Variants in TMPRSS9 observed in about 807,000 individuals in gnomAD.
TMPRSS9 encodes the protein transmembrane serine protease 9, also known as transmembrane protease serine 9.
TMPRSS9 carries 113 observed loss-of-function variants against 111.4 expected under a neutral mutation model. That is an observed-to-expected ratio of 1.01 (90% CI 0.87 to 1.19). The LOEUF (loss-of-function observed/expected upper bound fraction) is 1.19, where lower values mean the gene tolerates loss of function less well. Among genes scored for constraint, TMPRSS9 ranks in the 50% most tolerant of loss-of-function variants. The pLI is 0.00. For missense variants in TMPRSS9, 1,803 were observed against 1,513.1 expected, an observed-to-expected ratio of 1.19 and a Z score of -3.18; for synonymous variants, 805 against 659.1, an observed-to-expected ratio of 1.22 and a Z score of -3.39.
intron 9 of TMPRSS9, 150 bp from the exon 11 acceptor site, chr19:2,413,550 G>A: frequency 1.2e-6 from 1 of 822,532 alleles, no homozygotes; most frequent in East Asian, 2.5e-5. Flanking sequence ...CAGGTTCTGA[G>A]ATGTCAATGA....
chr19:2,374,672 A>T lies in TMPRSS9; in HGVS notation c.-26+14312A>T, dbSNP rs1970316934. Among the ~76,000 whole-genome samples, 4 of 151,974 alleles carry T rather than the reference A, an allele frequency of 2.6e-5. 2 individuals carry two copies. The South Asian group carries it at 8.3e-4, about 32-fold the overall frequency. ...TGCGTTGCTCTGGTTGTCTCTGGGGAGCCCCTAACCAGGCTTGGAAGAGGT... is the reference window on the plus strand; with the variant it reads ...TGCGTTGCTCTGGTTGTCTCTGGGGTGCCCCTAACCAGGCTTGGAAGAGGT... On this transcript the variant is annotated intron_variant, in intron 1 of 17. Transcript: ENST00000649857.
chr19:2,416,524 C>A lies in TMPRSS9; in HGVS notation c.1746-14C>A, dbSNP rs561792390. ...GCTGGAGGGCAGGCATGTCTGAGGG[C>A]CCTGTCTCCATAGCACGAAGGTGGA... is the stretch of plus-strand genomic sequence containing the variant. On this transcript the variant is annotated splice_polypyrimidine_tract_variant and intron_variant, in intron 11 of 17. Coordinates refer to ENST00000648592, the Ensembl canonical transcript of TMPRSS9. 2 of 1,597,124 alleles carry A rather than the reference C, an allele frequency of 1.3e-6. No homozygotes were observed. The highest frequency in any genetic ancestry group is 1.7e-5 in the Admixed American group (1 of 59,656).
At chr19:2,377,930 G>A (rs978818896) in intron 1 of TMPRSS9, among the ~76,000 whole-genome samples, 1 of 150,936 alleles carries the variant, frequency 6.6e-6, no homozygotes, top group Admixed American at 6.6e-5. Flanking sequence ...ACCCAGGCTG[G>A]CACAGTCATA....
At chr19:2,409,018 AATAATAATAATAATG>A (rs1367990257) in intron 8 of TMPRSS9, among the ~76,000 whole-genome samples, 91 of 142,296 alleles carry the variant, frequency 6.4e-4, no homozygotes, top group African/African-American at 1.9e-3. Flanking sequence ...TAATAATAAT[AATAATAATAATAATG>A]ATGATGCAGA....
chr19:2,411,637 C>T (rs1971099087), intron 9 of TMPRSS9, among the ~76,000 whole-genome samples: 2 of 152,168 alleles, frequency 1.3e-5, no homozygotes, highest in South Asian at 4.1e-4. Flanking sequence ...CATCTTGGCT[C>T]ACCTCCCAGT....
rs1474701467 is a variant in TMPRSS9 at position 2,414,939 on chromosome 19, C to CT, written c.1574-730dup. The stretch of plus-strand genomic sequence containing the variant: ...TTTCCAAAAACTGTTAGTTGCATTC[C>CT]TATTTTTTTTTTTTTTTTTTTCTGA... On this transcript the variant is annotated intron_variant, in intron 10 of 17. Coordinates refer to ENST00000648592, the Ensembl canonical transcript of TMPRSS9. 4.1e-4 allele frequency among the ~76,000 whole-genome samples: 58 copies of CT among 141,480 alleles called. 1 individual carries two copies. Among genetic ancestry groups the CT allele is most frequent in the Non-Finnish European group, 6.0e-4 (40 of 66,790 alleles). 92.8% of individuals were successfully genotyped at this position (141,480 alleles called of 152,430 possible). A position where few individuals can be genotyped will look rare whatever the true frequency, so the allele number is the denominator to read the frequency against.
chr19:2,368,954 CTTTTT>C (rs35992012), intron 1 of TMPRSS9, among the ~76,000 whole-genome samples: 2 of 136,106 alleles, frequency 1.5e-5, no homozygotes, highest in Non-Finnish European at 3.2e-5. Context: ...CCGGCTAATT[CTTTTT>C]TTTTTTTTTG....
At chr19:2,405,392 C>T in exon 7 of TMPRSS9, 19 of 1,602,384 alleles carry the variant, frequency 1.2e-5, no homozygotes, top group Non-Finnish European at 1.6e-5. Context: ...TTGCAGCCTG[C>T]CTGGAGGATG....
intron 1 of TMPRSS9, among the ~76,000 whole-genome samples, chr19:2,378,590 C>T (rs1275084025): frequency 6.6e-6 from 1 of 152,138 alleles, no homozygotes; most frequent in Non-Finnish European, 1.5e-5. Flanking sequence ...TGGTGGTGCA[C>T]ACCTGTAGTC....
chr19:2,418,319 C>CCTCCCT (rs1568189365), intron 13 of TMPRSS9, among the ~76,000 whole-genome samples, 181 bp downstream of exon 14: 1 of 39,620 alleles, frequency 2.5e-5, no homozygotes, highest in Non-Finnish European at 4.6e-5. Context: ...CCCTCCCTCC[C>CCTCCCT]TCCCTCCCTC....
At chr19:2,391,391 A>ATTT (rs1970591651) in intron 1 of TMPRSS9, among the ~76,000 whole-genome samples, 2 of 142,648 alleles carry the variant, frequency 1.4e-5, no homozygotes, top group Non-Finnish European at 1.5e-5. Flanking sequence ...CTTTTTTTTA[A>ATTT]AAAATATTTG....
chr19:2,404,824 C>T (rs1225332203), intron 6 of TMPRSS9, among the ~76,000 whole-genome samples: 1 of 147,990 alleles, frequency 6.8e-6, no homozygotes, highest in Non-Finnish European at 1.5e-5. Context: ...CCCAGCTACT[C>T]AGGAGGCTGA....
At chr19:2,422,375 C>A in intron 14 of TMPRSS9, 128 bp downstream of exon 15, 2 of 1,139,436 alleles carry the variant, frequency 1.8e-6, no homozygotes, top group Non-Finnish European at 1.2e-6. Flanking sequence ...GTCAGGAGAT[C>A]GAGACCATCC....
At chr19:2,382,858 A>C (rs1392091411) in intron 1 of TMPRSS9, among the ~76,000 whole-genome samples, 3 of 152,116 alleles carry the variant, frequency 2.0e-5, no homozygotes, top group East Asian at 3.8e-4. Flanking sequence ...GGCTCATACC[A>C]TTGAGGGGCT....
intron 4 of TMPRSS9, among the ~76,000 whole-genome samples, chr19:2,401,677 G>A (rs965886175): frequency 2.7e-5 from 4 of 150,384 alleles, no homozygotes; most frequent in South Asian, 4.2e-4. Context: ...GTGTGATCTC[G>A]GCTCACTGCA....
intron 10 of TMPRSS9, among the ~76,000 whole-genome samples, chr19:2,415,064 C>T (rs958033219): frequency 6.6e-6 from 1 of 151,198 alleles, no homozygotes; most frequent in Non-Finnish European, 1.5e-5. Flanking sequence ...CCTGCCTCAG[C>T]CTCCTGAATA....
intron 9 of TMPRSS9, 31 bp downstream of exon 10, chr19:2,410,425 A>C (rs933220750): frequency 6.2e-7 from 1 of 1,611,342 alleles, no homozygotes; most frequent in African/African-American, 1.3e-5. Context: ...ACCCCAGAAA[A>C]ACACAGAAAT....
At chr19:2,416,907 A>C (rs780643789) in intron 12 of TMPRSS9, 98 bp downstream of exon 13, 314 of 1,407,502 alleles carry the variant, frequency 2.2e-4, no homozygotes, top group Admixed American at 4.9e-4. Flanking sequence ...CCCTAAACCA[A>C]TTCCACTGCA....
chr19:2,369,519 G>A (rs139329578), intron 1 of TMPRSS9, among the ~76,000 whole-genome samples: 23 of 152,040 alleles, frequency 1.5e-4, no homozygotes, highest in African/African-American at 5.3e-4. Flanking sequence ...CAACCTCCTG[G>A]GCTCAAGTGA....
Sources: allele counts gnomAD v4.1 joint callset (sites outside exome capture counted in the v4.1 genomes callset), GRCh38; gene constraint gnomAD v4.1.1; transcripts MANE v1.5; gene names NCBI Gene and HGNC (gene_info 2026-07-23, HGNC 2026-07-21).